Variants in CTNND2 observed in about 807,000 individuals in gnomAD.
CTNND2 encodes catenin delta 2.
A neutral mutation model predicts 144.4 loss-of-function variants in CTNND2; 22 were observed. The ratio of observed to expected loss-of-function variants is 0.15; its 90% confidence interval spans 0.11 to 0.22. The LOEUF is 0.22. Ranked by LOEUF, CTNND2 falls within the 10% of genes least tolerant of loss-of-function variation. CTNND2 has a pLI of 1.00. For missense variants in CTNND2, 1,353 were observed against 1,618.8 expected (o/e 0.84, Z 2.82); for synonymous variants, 751 against 695.6 (o/e 1.08, Z -1.25).
intron 10 of CTNND2, among the ~76,000 whole-genome samples, chr5:11,230,601 C>T (rs1208894578): frequency 1.3e-5 from 2 of 152,180 alleles, no homozygotes; most frequent in Non-Finnish European, 2.9e-5. Flanking sequence ...GGATCCACCT[C>T]CATCTCAGAT....
At chr5:10,992,296 C>A (rs568001718) in intron 19 of CTNND2, among the ~76,000 whole-genome samples, 2 of 152,226 alleles carry the variant, frequency 1.3e-5, no homozygotes, top group Non-Finnish European at 1.5e-5. Context: ...TCTTTATACT[C>A]GTTCCTCCTG....
chr5:11,068,437 G>A (rs973356973), intron 16 of CTNND2, among the ~76,000 whole-genome samples: 3 of 152,188 alleles, frequency 2.0e-5, no homozygotes, highest in Non-Finnish European at 2.9e-5. Flanking sequence ...TGGTGGTGAT[G>A]TGTTCAAGTT....
intron 9 of CTNND2, among the ~76,000 whole-genome samples, chr5:11,280,371 A>T (rs1746990837): frequency 6.6e-6 from 1 of 152,148 alleles, no homozygotes; most frequent in African/African-American, 2.4e-5. Context: ...TAACAACAGA[A>T]ATGCATTTTC....
chr5:10,987,933 A>G (rs368555880), intron 20 of CTNND2, among the ~76,000 whole-genome samples, 178 bp downstream of exon 20: 1 of 152,272 alleles, frequency 6.6e-6, no homozygotes, highest in East Asian at 1.9e-4. Context: ...TTATGCCTCT[A>G]TTCTTAGTCC....
chr5:11,593,578 G>A lies in CTNND2; in HGVS notation c.175-28522C>T, dbSNP rs140527833. 1.3e-3 allele frequency among the ~76,000 whole-genome samples: 197 copies of A among 152,278 alleles called. 1 individual carries two copies. The highest frequency in any genetic ancestry group is 6.8e-3 in the Middle Eastern group (2 of 294). ...TGAATCATGGGGGCAGGTTTTTCCC[G>A]TGCTGTTCTCATGATAGTGAATAAG... On this transcript the variant is annotated intron_variant, in intron 2 of 21. Coordinates refer to ENST00000304623, the MANE Select transcript of CTNND2 (RefSeq NM_001332.4).
chr5:10,994,917 G>C (rs977083816), intron 18 of CTNND2, among the ~76,000 whole-genome samples: 2 of 152,160 alleles, frequency 1.3e-5, no homozygotes, highest in African/African-American at 4.8e-5. Flanking sequence ...ATGGCTATTG[G>C]TGTGGGAAAG....
At position 10,988,110 on chromosome 5, in the gene CTNND2, C is replaced by T; in HGVS notation, c.3343+1G>A. On this transcript the variant is annotated splice_donor_variant, in intron 20 of 21. Transcript: ENST00000304623. LOFTEE classifies it high-confidence loss of function. The surrounding 1 kb of genome is among the most constrained non-coding windows in gnomAD (Gnocchi z 5.9). ...GGAGGGGGCGCGCGAGGGGCGCTCA[C>T]CTGTCATGGCATCTTTCCTGGAAGT... 6.2e-7 allele frequency: 1 copy of T among 1,614,136 alleles called. No homozygotes were observed. The highest frequency in any genetic ancestry group is 2.2e-5 in the East Asian group (1 of 44,846).
chr5:11,636,790 G>C (rs1306684148), intron 2 of CTNND2, among the ~76,000 whole-genome samples: 1 of 152,198 alleles, frequency 6.6e-6, no homozygotes, highest in Non-Finnish European at 1.5e-5. Context: ...GCAAGTTTAA[G>C]ACTTGCACAC....
At position 11,086,762 on chromosome 5, in the gene CTNND2, C is replaced by G. The variant is rs547094251; in HGVS notation, c.2638-3916G>C. ...GGGATTTGACTTTTACAAATCCCAG[C>G]CCAGCTATAAATACAACTGATGGTC... is the stretch of plus-strand genomic sequence containing the variant. On this transcript the variant is annotated intron_variant, in intron 15 of 21. Transcript: ENST00000304623. 7.2e-5 allele frequency among the ~76,000 whole-genome samples: 11 copies of G among 152,272 alleles called. No individual in the cohort carries two copies. In the South Asian group the frequency reaches 2.3e-3, roughly 32 times the overall value.
At chr5:11,196,022 C>A (rs1193721084) in intron 11 of CTNND2, among the ~76,000 whole-genome samples, 2 of 152,172 alleles carry the variant, frequency 1.3e-5, no homozygotes, top group Admixed American at 1.3e-4. Flanking sequence ...AAACAGGGAG[C>A]TGTTTTTTTC....
intron 1 of CTNND2, among the ~76,000 whole-genome samples, chr5:11,754,379 G>A (rs1349857342): frequency 8.9e-6 from 1 of 112,766 alleles, no homozygotes; most frequent in Non-Finnish European, 1.8e-5. Context: ...TTTTATCTTT[G>A]TTCTCATCAC....
intron 2 of CTNND2, among the ~76,000 whole-genome samples, chr5:11,724,107 A>G (rs979088840): frequency 1.3e-5 from 2 of 152,214 alleles, no homozygotes; most frequent in African/African-American, 2.4e-5. Flanking sequence ...ACCAGTAGTA[A>G]GAGTAATATG....
At chr5:11,311,901 A>C (rs1750941589) in intron 9 of CTNND2, among the ~76,000 whole-genome samples, 1 of 124,730 alleles carries the variant, frequency 8.0e-6, no homozygotes, top group East Asian at 2.7e-4. Context: ...ACACACGCCC[A>C]CACACACTCC....
chr5:11,712,826 T>C (rs1786108930), intron 2 of CTNND2, among the ~76,000 whole-genome samples: 1 of 152,164 alleles, frequency 6.6e-6, no homozygotes, highest in East Asian at 1.9e-4. Context: ...GAATCAAATA[T>C]ACTAGTTGGA....
At chr5:11,593,870 G>GTGCC (rs1779377021) in intron 2 of CTNND2, among the ~76,000 whole-genome samples, 1 of 134,560 alleles carries the variant, frequency 7.4e-6, no homozygotes, top group Non-Finnish European at 1.6e-5. Flanking sequence ...CCACTATAGG[G>GTGCC]TGCCACTAAG....
chr5:11,037,334 C>G (rs1744195368), intron 16 of CTNND2, among the ~76,000 whole-genome samples: 1 of 152,192 alleles, frequency 6.6e-6, no homozygotes, highest in Non-Finnish European at 1.5e-5. Context: ...ATACCCCTGC[C>G]AAAACCATGC....
At chr5:11,561,923 G>A (rs1279601455) in intron 3 of CTNND2, among the ~76,000 whole-genome samples, 4 of 152,054 alleles carry the variant, frequency 2.6e-5, no homozygotes, top group Non-Finnish European at 2.9e-5. Context: ...GTGCACATCT[G>A]TAATCCCAGC....
intron 3 of CTNND2, among the ~76,000 whole-genome samples, chr5:11,486,783 C>A (rs1768873754): frequency 6.6e-6 from 1 of 152,086 alleles, no homozygotes; most frequent in South Asian, 2.1e-4. Flanking sequence ...TTCTTCATCT[C>A]TAATTTGGGA....
intron 8 of CTNND2, among the ~76,000 whole-genome samples, chr5:11,358,587 G>T (rs1756137253): frequency 6.6e-6 from 1 of 152,126 alleles, no homozygotes; most frequent in South Asian, 2.1e-4. Flanking sequence ...TCACATCTTT[G>T]TGAACTCAAA....
Sources: allele counts gnomAD v4.1 joint callset (sites outside exome capture counted in the v4.1 genomes callset), GRCh38; gene constraint gnomAD v4.1.1; non-coding constraint Gnocchi (gnomAD v3.1); transcripts MANE v1.5; gene names NCBI Gene and HGNC (gene_info 2026-07-23, HGNC 2026-07-21).